The following ZMAT4 variants were observed in gnomAD, a reference collection of about 807,000 sequenced individuals.
ZMAT4 encodes the protein zinc finger matrin-type protein 4.
A neutral mutation model predicts 28.7 loss-of-function variants in ZMAT4; 17 were observed. The ratio of observed to expected loss-of-function variants is 0.59; its 90% CI spans 0.41 to 0.89. The LOEUF (loss-of-function observed/expected upper bound fraction) is 0.89. ZMAT4 is among the 40% of genes least tolerant of loss of function. The pLI, the probability that ZMAT4 is intolerant of heterozygous loss-of-function variation, is 0.00. For missense variants in ZMAT4, 240 were observed against 283.8 expected (o/e 0.85, Z 1.11); for synonymous variants, 117 against 109.2 (o/e 1.07, Z -0.44).
intron 2 of ZMAT4, among the ~76,000 whole-genome samples, chr8:40,794,108 T>G (rs1814481934): frequency 6.6e-6 from 1 of 152,216 alleles, no homozygotes; most frequent in Non-Finnish European, 1.5e-5. Flanking sequence ...TTTTTGGAAA[T>G]TTTTGAACTC....
intron 6 of ZMAT4, among the ~76,000 whole-genome samples, chr8:40,561,822 A>C (rs1051747787): frequency 3.3e-5 from 5 of 152,160 alleles, no homozygotes; most frequent in African/African-American, 1.2e-4. Flanking sequence ...CGTGTATTTT[A>C]TGTATGGCCC....
chr8:40,601,444 G>A (rs1054294496), intron 5 of ZMAT4, among the ~76,000 whole-genome samples: 1,584 of 79,034 alleles, frequency 0.02, 160 homozygotes, highest in East Asian at 0.071. Context: ...AAGGAAGGAA[G>A]GAAGGAAGGA....
At chr8:40,888,112 G>A (rs534090178) in intron 1 of ZMAT4, among the ~76,000 whole-genome samples, 143 of 152,190 alleles carry the variant, frequency 9.4e-4, no homozygotes, top group Non-Finnish European at 1.7e-3. Flanking sequence ...ATACACCCTT[G>A]GACCCAAAGT....
At chr8:40,642,032 T>C (rs1294875600) in intron 5 of ZMAT4, among the ~76,000 whole-genome samples, 1 of 152,212 alleles carries the variant, frequency 6.6e-6, no homozygotes, top group Non-Finnish European at 1.5e-5. Flanking sequence ...TTTAAAGATA[T>C]TTAAACCTGA....
chr8:40,775,898 A>G (rs1813572278), intron 2 of ZMAT4, among the ~76,000 whole-genome samples: 1 of 152,112 alleles, frequency 6.6e-6, no homozygotes, highest in Admixed American at 6.5e-5. Context: ...AGGGGAAGAG[A>G]CATCAGAGAT....
At position 40,647,498 on chromosome 8, in the gene ZMAT4, G is replaced by T. The variant is rs551222231; in HGVS notation, c.577+27206C>A. On this transcript the variant is annotated intron_variant, in intron 5 of 6. Transcript: ENST00000297737. ...CTGCAAGGTGGCAGCGAGGCTGGGGGAGGGGCGCCCACCATTGCCCAGGCT... is the reference window on the plus strand; with the variant it reads ...CTGCAAGGTGGCAGCGAGGCTGGGGTAGGGGCGCCCACCATTGCCCAGGCT... Among the ~76,000 whole-genome samples, 573 of 152,260 alleles carry T rather than the reference G, an allele frequency of 3.8e-3. 4 individuals are homozygous for T. The highest frequency in any genetic ancestry group is 0.013 in the African/African-American group (545 of 41,560).
At chr8:40,778,036 G>A (rs142957351) in intron 2 of ZMAT4, among the ~76,000 whole-genome samples, 77 of 152,144 alleles carry the variant, frequency 5.1e-4, no homozygotes, top group Non-Finnish European at 6.9e-4. Context: ...TTAAATACTC[G>A]TTAACTATTT....
chr8:40,716,130 A>C (rs1184832747), intron 3 of ZMAT4, among the ~76,000 whole-genome samples: 1 of 152,226 alleles, frequency 6.6e-6, no homozygotes, highest in Non-Finnish European at 1.5e-5. Flanking sequence ...AGGGCTTTAT[A>C]GGGGAAAAGA....
rs560781005 is a variant in ZMAT4, at chr8:40,787,597, C to G, written c.103-19867G>C. ...ACTTTACAGCTTCTCTTTGGCATAT[C>G]TGAGTTGCCAGCAACACTACTTTTG... On this transcript the variant is annotated intron_variant, in intron 2 of 6. Coordinates refer to ENST00000297737, the MANE Select transcript of ZMAT4 (RefSeq NM_024645.3). Among the ~76,000 whole-genome samples, 38 of 152,324 alleles carry G rather than the reference C, an allele frequency of 2.5e-4. No homozygotes were observed. The South Asian group carries it at 3.3e-3, about 13-fold the overall frequency.
At chr8:40,550,290 C>A (rs1430767094) in intron 6 of ZMAT4, among the ~76,000 whole-genome samples, 1 of 152,124 alleles carries the variant, frequency 6.6e-6, no homozygotes, top group Non-Finnish European at 1.5e-5. Flanking sequence ...TCCACCTGAC[C>A]ATCCTTCCCT....
chr8:40,774,495 CAATCCTACTTCTTTG>C (rs1813508277), intron 2 of ZMAT4, among the ~76,000 whole-genome samples: 1 of 151,962 alleles, frequency 6.6e-6, no homozygotes, highest in Non-Finnish European at 1.5e-5. Context: ...TTTGAGTCAA[CAATCCTACTTCTTTG>C]AATTTATTCT....
intron 1 of ZMAT4, among the ~76,000 whole-genome samples, chr8:40,876,375 T>C (rs560981613): frequency 1.5e-4 from 23 of 152,304 alleles, no homozygotes; most frequent in Admixed American, 1.4e-3. Flanking sequence ...CTGGAATGCT[T>C]TGTGGCATGA....
At chr8:40,833,642 G>C (rs187291584) in intron 1 of ZMAT4, among the ~76,000 whole-genome samples, 1 of 151,698 alleles carries the variant, frequency 6.6e-6, no homozygotes, top group African/African-American at 2.4e-5. Flanking sequence ...AGGGGAAGAC[G>C]TCTGACCCCC....
At chr8:40,674,669 A>T in intron 5 of ZMAT4, 35 bp downstream of exon 5, 1 of 1,557,156 alleles carries the variant, frequency 6.4e-7, no homozygotes, top group Non-Finnish European at 8.8e-7. Flanking sequence ...CTGAAAGCCC[A>T]GTTTTGTGGC....
intron 1 of ZMAT4, among the ~76,000 whole-genome samples, chr8:40,870,115 A>G (rs111855216): frequency 2.0e-5 from 3 of 152,234 alleles, no homozygotes; most frequent in African/African-American, 7.2e-5. Flanking sequence ...ATGTACACCT[A>G]TAAAGGAAAT....
At chr8:40,619,177 G>A (rs991794431) in intron 5 of ZMAT4, among the ~76,000 whole-genome samples, 1 of 152,156 alleles carries the variant, frequency 6.6e-6, no homozygotes, top group Non-Finnish European at 1.5e-5. Flanking sequence ...AGTGACCAGA[G>A]AAAGCCCTCA....
At chr8:40,787,810 G>C (rs746354440) in intron 2 of ZMAT4, among the ~76,000 whole-genome samples, 12 of 152,178 alleles carry the variant, frequency 7.9e-5, no homozygotes, top group African/African-American at 2.7e-4. Context: ...ATGGTGTGAG[G>C]TTTCATGTGC....
chr8:40,786,862 A>G (rs1259700076), intron 2 of ZMAT4: 1 of 508,022 alleles, frequency 2.0e-6, no homozygotes. Flanking sequence ...TTCTAGGCCC[A>G]CAAAGAGTAA....
chr8:40,870,590 C>T (rs1817822808), intron 1 of ZMAT4, among the ~76,000 whole-genome samples: 1 of 152,164 alleles, frequency 6.6e-6, no homozygotes, highest in Non-Finnish European at 1.5e-5. Flanking sequence ...TCTTGTGTTG[C>T]TAAAGCCCTC....
Sources: gnomAD v4.1 joint callset for allele counts (sites outside exome capture counted in the v4.1 genomes callset) on GRCh38, gnomAD v4.1.1 for gene constraint, MANE v1.5 for transcripts, NCBI Gene and HGNC (gene_info 2026-07-23, HGNC 2026-07-21) for gene names.